The following CACNA2D3 variants were observed in gnomAD, a reference collection of about 807,000 sequenced individuals.
CACNA2D3 encodes calcium voltage-gated channel auxiliary subunit alpha2delta 3.
In CACNA2D3, 60 loss-of-function variants were observed where a neutral mutation model predicts 160.6. The ratio of observed to expected loss-of-function variants is 0.37; its 90% CI spans 0.30 to 0.46. The LOEUF is 0.46. CACNA2D3 is among the 20% of genes least tolerant of loss of function. CACNA2D3 has a pLI of 1.00. For missense variants in CACNA2D3, 1,205 were observed against 1,365.0 expected (o/e 0.88, Z 1.85); for synonymous variants, 558 against 492.9 (o/e 1.13, Z -1.75).
intron 9 of CACNA2D3, among the ~76,000 whole-genome samples, chr3:54,620,638 C>T (rs1250336629): frequency 1.3e-5 from 2 of 152,198 alleles, no homozygotes; most frequent in Non-Finnish European, 2.9e-5. Flanking sequence ...TGTCACATCC[C>T]CTGGAAACCA....
intron 9 of CACNA2D3, among the ~76,000 whole-genome samples, chr3:54,607,325 T>C (rs1471524202): frequency 6.6e-6 from 1 of 152,118 alleles, no homozygotes; most frequent in African/African-American, 2.4e-5. Flanking sequence ...TTTTTTGTTT[T>C]GTTTTGTTTT....
chr3:54,882,993 A>C (rs962532048), intron 21 of CACNA2D3, among the ~76,000 whole-genome samples: 1 of 152,052 alleles, frequency 6.6e-6, no homozygotes, highest in Admixed American at 6.6e-5. Context: ...TTCTCTTATG[A>C]ATCTTTTAAT....
chr3:54,652,446 A>G (rs1161080237), intron 11 of CACNA2D3, among the ~76,000 whole-genome samples: 1 of 152,166 alleles, frequency 6.6e-6, no homozygotes, highest in East Asian at 1.9e-4. Context: ...TCTTCTGAAC[A>G]AGACAAACAA....
At chr3:54,575,033 C>T (rs1333576027) in intron 8 of CACNA2D3, among the ~76,000 whole-genome samples, 1 of 152,190 alleles carries the variant, frequency 6.6e-6, no homozygotes, top group African/African-American at 2.4e-5. Context: ...TTTCAGTGCT[C>T]ATTTGTTCTG....
rs545036868 is a variant in CACNA2D3, at chr3:54,849,427, T to TC, written c.1626+2961dup. Among the ~76,000 whole-genome samples, 11 of 152,292 alleles carry TC rather than the reference T, an allele frequency of 7.2e-5. No individual in the cohort carries two copies. In the East Asian group the frequency reaches 2.1e-3, roughly 29 times the overall value. ...AGTCCCCTCAGCACAGAGCAGGGACTCAGTAGATGAATAAGTGAAGGGATC... is the reference window on the plus strand; with the variant it reads ...AGTCCCCTCAGCACAGAGCAGGGACTCCAGTAGATGAATAAGTGAAGGGATC... On this transcript the variant is annotated intron_variant, in intron 17 of 37. Transcript: ENST00000474759.
At chr3:54,531,467 A>G (rs1047041898) in intron 5 of CACNA2D3, among the ~76,000 whole-genome samples, 14 of 152,210 alleles carry the variant, frequency 9.2e-5, no homozygotes, top group African/African-American at 3.1e-4. Flanking sequence ...AGCTGCCTCT[A>G]TACCCTCAGA....
intron 35 of CACNA2D3, among the ~76,000 whole-genome samples, chr3:55,050,261 T>G (rs1268496355): frequency 6.6e-6 from 1 of 151,264 alleles, no homozygotes; most frequent in Non-Finnish European, 1.5e-5. Context: ...CTTTCCATGT[T>G]TAGCGCTTCC....
intron 11 of CACNA2D3, among the ~76,000 whole-genome samples, chr3:54,658,085 A>G (rs992852671): frequency 6.6e-6 from 1 of 152,238 alleles, no homozygotes; most frequent in African/African-American, 2.4e-5. Context: ...TTCAGTTGCC[A>G]ATGGACATTG....
chr3:54,885,654 T>C, intron 23 of CACNA2D3, 68 bp downstream of exon 23: 1 of 1,238,374 alleles, frequency 8.1e-7, no homozygotes, highest in Non-Finnish European at 1.2e-6. Context: ...CAAAACATTT[T>C]TTGGCCTCAC....
chr3:54,960,385 A>G (rs1702002727), intron 27 of CACNA2D3, among the ~76,000 whole-genome samples: 1 of 152,210 alleles, frequency 6.6e-6, no homozygotes, highest in Non-Finnish European at 1.5e-5. Context: ...GAAATATGCA[A>G]TCATTTAGGG....
intron 11 of CACNA2D3, among the ~76,000 whole-genome samples, chr3:54,648,199 C>A (rs1015325451): frequency 2.0e-5 from 3 of 152,194 alleles, no homozygotes; most frequent in Non-Finnish European, 4.4e-5. Context: ...CCATTGCCTG[C>A]TTTTGCAGCT....
intron 34 of CACNA2D3, among the ~76,000 whole-genome samples, chr3:55,012,849 G>A (rs1407585233): frequency 6.6e-6 from 1 of 152,106 alleles, no homozygotes; most frequent in Non-Finnish European, 1.5e-5. Context: ...AGGGAGCCAG[G>A]TATGGTCTGT....
intron 11 of CACNA2D3, among the ~76,000 whole-genome samples, chr3:54,747,338 C>T (rs1315581908): frequency 1.3e-5 from 2 of 152,102 alleles, no homozygotes; most frequent in Admixed American, 1.3e-4. Context: ...CTGGCCAGAG[C>T]CACAGTCATC....
chr3:54,642,056 T>C (rs1699532520), intron 10 of CACNA2D3, 72 bp from the exon 11 acceptor site: 1 of 916,730 alleles, frequency 1.1e-6, no homozygotes, highest in East Asian at 2.8e-5. Flanking sequence ...CCAGGTCTCA[T>C]GTCTCTGATT....
chr3:54,217,257 G>T (rs1473499532), intron 2 of CACNA2D3, among the ~76,000 whole-genome samples: 1 of 152,130 alleles, frequency 6.6e-6, no homozygotes, highest in Non-Finnish European at 1.5e-5. Context: ...GGGCCCAGGG[G>T]GGCTGGCTTG....
At chr3:54,460,206 GTGA>G (rs1700474808) in intron 4 of CACNA2D3, among the ~76,000 whole-genome samples, 1 of 151,818 alleles carries the variant, frequency 6.6e-6, no homozygotes, top group Non-Finnish European at 1.5e-5. Flanking sequence ...GTCAGGTAGC[GTGA>G]TGCCTCCAGC....
rs3773603 is a variant in CACNA2D3 at position 54,846,434 on chromosome 3, A to G, written c.1593A>G (p.Gly531=). 284,136 of 1,600,878 alleles carry G rather than the reference A, an allele frequency of 0.18. 25,944 individuals are homozygous for G. Among genetic ancestry groups the G allele is most frequent in the East Asian group, 0.22 (9,779 of 44,662 alleles). Residue 531 remains glycine, a synonymous_variant, in exon 17 of 38, where the codon GGA becomes GGG. Coordinates refer to ENST00000474759, the MANE Select transcript of CACNA2D3 (RefSeq NM_018398.3). ...ATGCCTTTGCAATCACAAATAATGGATATATCCTGACGCATCCGGAACTCA... is the reference window on the plus strand; with the variant it reads ...ATGCCTTTGCAATCACAAATAATGGGTATATCCTGACGCATCCGGAACTCA... ...HGYAFAITNN[G]YILTHPELRL... is the part of the protein sequence containing the mutation.
intron 4 of CACNA2D3, among the ~76,000 whole-genome samples, chr3:54,400,322 C>G (rs563066799): frequency 6.6e-6 from 1 of 152,006 alleles, no homozygotes; most frequent in Non-Finnish European, 1.5e-5. Context: ...CTTGGCTCCT[C>G]CGAGAGTGAA....
At chr3:54,794,779 C>T (rs972699382) in intron 13 of CACNA2D3, among the ~76,000 whole-genome samples, 9 of 152,124 alleles carry the variant, frequency 5.9e-5, no homozygotes, top group East Asian at 1.9e-4. Context: ...AATTCTTACT[C>T]GTCATCCCCT....
Sources: allele counts gnomAD v4.1 joint callset (sites outside exome capture counted in the v4.1 genomes callset), GRCh38; gene constraint gnomAD v4.1.1; transcripts MANE v1.5; gene names NCBI Gene and HGNC (gene_info 2026-07-23, HGNC 2026-07-21).